The following NEK10 variants were observed in gnomAD, a reference collection of about 807,000 sequenced individuals.
The protein encoded by NEK10 is serine/threonine-protein kinase Nek10.
Under a neutral mutation model 159.8 loss-of-function variants are expected in NEK10, and 122 were observed. The observed-to-expected ratio is 0.76, with a 90% CI of 0.66 to 0.89. The LOEUF (loss-of-function observed/expected upper bound fraction) is 0.89. NEK10 is among the 40% of genes least tolerant of loss of function. The pLI, the probability that NEK10 is intolerant of heterozygous loss-of-function variation, is 0.00. For synonymous variants in NEK10, 466 were observed against 457.1 expected (o/e 1.02, Z -0.25); for missense variants, 1,342 against 1,323.1 (o/e 1.01, Z -0.22).
At chr3:27,285,706 T>C (rs1315297650) in intron 20 of NEK10, among the ~76,000 whole-genome samples, 1 of 152,204 alleles carries the variant, frequency 6.6e-6, no homozygotes, top group African/African-American at 2.4e-5. Context: ...TGGGATGTGA[T>C]ATGTGTCTTT....
At position 27,153,493 on chromosome 3, in the gene NEK10, G is replaced by A. The variant is rs542989191; in HGVS notation, c.2869+9208C>T. On this transcript the variant is annotated intron_variant, in intron 30 of 35. Transcript: ENST00000691995. ...ATACAGAACATTTCATCCAACAACC[G>A]CAAAACATACATTCTATTCAACAGT... 1.4e-3 allele frequency among the ~76,000 whole-genome samples: 214 copies of A among 152,060 alleles called. 1 individual carries two copies. The highest frequency in any genetic ancestry group is 9.4e-3 in the South Asian group (45 of 4,806).
At chr3:27,231,406 C>A (rs1254920972) in intron 23 of NEK10, among the ~76,000 whole-genome samples, 2 of 151,798 alleles carry the variant, frequency 1.3e-5, no homozygotes, top group African/African-American at 2.4e-5. Flanking sequence ...TGAAAGAGCA[C>A]AAATTGATAA....
At chr3:27,150,320 C>T (rs1370933873) in intron 30 of NEK10, among the ~76,000 whole-genome samples, 1 of 152,158 alleles carries the variant, frequency 6.6e-6, no homozygotes, top group East Asian at 1.9e-4. Context: ...CAAGTAGAGG[C>T]CATCTAGGAC....
intron 31 of NEK10, 99 bp downstream of exon 31, chr3:27,141,383 C>A: frequency 1.2e-6 from 1 of 853,096 alleles, no homozygotes; most frequent in African/African-American, 1.7e-5. Flanking sequence ...AGGATAAGAA[C>A]AAGAATTCAA....
At chr3:27,143,043 A>G (rs1280299863) in intron 30 of NEK10, among the ~76,000 whole-genome samples, 1 of 152,214 alleles carries the variant, frequency 6.6e-6, no homozygotes, top group Non-Finnish European at 1.5e-5. Context: ...AGAGGCAAAT[A>G]GAAAGAGTTA....
intron 33 of NEK10, among the ~76,000 whole-genome samples, chr3:27,117,908 A>G (rs1680504534): frequency 6.6e-6 from 1 of 152,118 alleles, no homozygotes; most frequent in African/African-American, 2.4e-5. Flanking sequence ...TATGTCCTGA[A>G]TGGTATTGTC....
Position 27,107,381 on chromosome 3 carries a change from T to C in NEK10, c.*3891A>G, listed in dbSNP as rs551377511. Among the ~76,000 whole-genome samples the C allele has an allele frequency of 6.6e-6, 1 of 152,174 alleles. No homozygotes were observed. Among genetic ancestry groups the C allele is most frequent in the Non-Finnish European group, 1.5e-5 (1 of 68,020 alleles). On this transcript the variant is annotated 3_prime_UTR_variant, in exon 36 of 36. Transcript: ENST00000691995. ...CTGTAATGACACACATAAGAATTCC[T>C]TTATCACAAAGCTGTTTCCCTGAGA...
At chr3:27,235,562 T>C (rs940180359) in intron 23 of NEK10, among the ~76,000 whole-genome samples, 3 of 152,236 alleles carry the variant, frequency 2.0e-5, no homozygotes, top group African/African-American at 7.2e-5. Context: ...CCCAATGAGA[T>C]GTCATCTCAC....
intron 33 of NEK10, among the ~76,000 whole-genome samples, chr3:27,116,599 T>G (rs1450790013): frequency 1.3e-5 from 2 of 152,122 alleles, no homozygotes; most frequent in African/African-American, 2.4e-5. Flanking sequence ...TATAGCTGCC[T>G]AGAGGGAAAA....
At chr3:27,319,627 G>A (rs374891062) in intron 6 of NEK10, among the ~76,000 whole-genome samples, 16 of 152,200 alleles carry the variant, frequency 1.1e-4, no homozygotes, top group African/African-American at 3.8e-4. Flanking sequence ...AGGACTTGAA[G>A]GAATAGCTGG....
chr3:27,157,667 CAGT>C (rs1279950196), intron 30 of NEK10, among the ~76,000 whole-genome samples: 1 of 152,158 alleles, frequency 6.6e-6, no homozygotes, highest in Non-Finnish European at 1.5e-5. Context: ...CATAAAGCAG[CAGT>C]AGGTTTCAGG....
intron 35 of NEK10, among the ~76,000 whole-genome samples, chr3:27,112,622 AAC>A (rs1376671043): frequency 6.6e-6 from 1 of 152,236 alleles, no homozygotes; most frequent in African/African-American, 2.4e-5. Context: ...GAGTGAGGAA[AAC>A]ACTGAGGTCA....
At chr3:27,278,274 C>A (rs1157082598) in intron 22 of NEK10, among the ~76,000 whole-genome samples, 1 of 152,210 alleles carries the variant, frequency 6.6e-6, no homozygotes, top group Non-Finnish European at 1.5e-5. Context: ...GCCTTCATCA[C>A]TCTGTAACAG....
Position 27,293,063 on chromosome 3 carries a change from C to G in NEK10, c.1373+525G>C, listed in dbSNP as rs1295340402. On this transcript the variant is annotated intron_variant, in intron 16 of 35. Coordinates refer to ENST00000691995, the MANE Select transcript of NEK10 (RefSeq NM_001394966.1). The stretch of plus-strand genomic sequence containing the variant: ...ACTGAGGGAACCAGTGTTTGCTTCC[C>G]GAAATGGTGACCTTTTGGTCAGGCT... 2.6e-5 allele frequency among the ~76,000 whole-genome samples: 4 copies of G among 152,262 alleles called. No individual in the cohort carries two copies. In the East Asian group the frequency reaches 7.7e-4, roughly 29 times the overall value.
chr3:27,154,093 AC>A (rs1422555225), intron 30 of NEK10, among the ~76,000 whole-genome samples: 6 of 152,196 alleles, frequency 3.9e-5, no homozygotes, highest in Non-Finnish European at 8.8e-5. Context: ...AATCCAAATA[AC>A]CTCACTAAGA....
intron 29 of NEK10, among the ~76,000 whole-genome samples, chr3:27,168,166 T>A (rs1371981225): frequency 6.6e-6 from 1 of 152,130 alleles, no homozygotes; most frequent in Non-Finnish European, 1.5e-5. Flanking sequence ...CATTGGGCCT[T>A]TTTAAAGAGT....
intron 3 of NEK10, among the ~76,000 whole-genome samples, chr3:27,347,531 ACAT>A (rs1394369917): frequency 1.6e-5 from 2 of 122,342 alleles, no homozygotes; most frequent in Non-Finnish European, 3.6e-5. Flanking sequence ...AAAAAAAAAG[ACAT>A]CATTTTTTTA....
At chr3:27,348,998 C>T (rs1041840736) in intron 3 of NEK10, among the ~76,000 whole-genome samples, 7 of 151,976 alleles carry the variant, frequency 4.6e-5, no homozygotes, top group Non-Finnish European at 7.4e-5. Context: ...CCAGACATTG[C>T]TTGAGACACT....
At chr3:27,282,593 G>GTT (rs1214341291) in intron 22 of NEK10, among the ~76,000 whole-genome samples, 1 of 89,556 alleles carries the variant, frequency 1.1e-5, no homozygotes, top group African/African-American at 4.3e-5. Context: ...ACATAACTGT[G>GTT]TTATATATAT....
Sources: gnomAD v4.1 joint callset for allele counts (sites outside exome capture counted in the v4.1 genomes callset) on GRCh38, gnomAD v4.1.1 for gene constraint, MANE v1.5 for transcripts, NCBI Gene and HGNC (gene_info 2026-07-23, HGNC 2026-07-21) for gene names.